TTC23: variants seen among roughly 807,000 people sequenced by gnomAD.
TTC23 encodes the protein tetratricopeptide repeat protein 23.
In TTC23, 58 loss-of-function variants were observed where a neutral mutation model predicts 55.1. That is an observed-to-expected ratio of 1.05 (90% CI 0.85 to 1.31). The LOEUF (loss-of-function observed/expected upper bound fraction) is 1.31, where lower values mean the gene tolerates loss of function less well. TTC23 is among the 50% of genes most tolerant of loss of function. TTC23 has a pLI of 0.00. For missense variants in TTC23, 516 were observed against 534.4 expected, an observed-to-expected ratio of 0.97 and a Z score of 0.34; for synonymous variants, 203 against 199.9, an observed-to-expected ratio of 1.02 and a Z score of -0.13.
chr15:99,200,193 T>C (rs1221464063), intron 8 of TTC23, 97 bp from the exon 9 acceptor site: 4 of 1,149,838 alleles, frequency 3.5e-6, no homozygotes, highest in Non-Finnish European at 3.5e-6. Context: ...CTTTGATCCC[T>C]GGTGTTCAGG....
intron 4 of TTC23, among the ~76,000 whole-genome samples, chr15:99,232,896 C>G (rs1417570326): frequency 1.3e-5 from 2 of 152,128 alleles, no homozygotes; most frequent in African/African-American, 4.8e-5. Context: ...AAATGTCTAT[C>G]AACAGATGAA....
chr15:99,239,132 G>T (rs1427027569), intron 3 of TTC23, among the ~76,000 whole-genome samples: 1 of 152,164 alleles, frequency 6.6e-6, no homozygotes, highest in African/African-American at 2.4e-5. Flanking sequence ...CTGTGAGAAT[G>T]CTAGAGAGGC....
chr15:99,219,172 G>GT lies in TTC23; in HGVS notation c.305-125dup. On this transcript the variant is annotated intron_variant, in intron 6 of 13. Transcript: ENST00000394132. ...ATATTGTCAAATGACACATGGAGAC[G>GT]TATCTGGGCAGCATGAAACACTGCC... 3 of 1,074,444 alleles carry GT rather than the reference G, an allele frequency of 2.8e-6. No homozygotes were observed. In the Admixed American group the frequency reaches 6.8e-5, roughly 24 times the overall value. The allele number at this position is 1,074,444 out of a possible 1,614,324, so 66.6% of individuals were successfully genotyped here. A position where few individuals can be genotyped will look rare whatever the true frequency, so the allele number is the denominator to read the frequency against.
In TTC23 at chr15:99,199,959, G is replaced by T. The variant is rs1261485482; in HGVS notation, c.719C>A (p.Ala240Asp). The change falls in exon 9 of 14, where the codon GCC (alanine) becomes GAC (aspartate). Residue 240 changes from alanine (A) to aspartate (D), a missense_variant. Transcript: ENST00000394132. ...GATGGATACATCGTGGAGTCCCAGG[G>T]CTTGCTCTACACCTGCTAATTCTCT... ...ILRELAGVEQALGLHDVSINH... is the reference protein window; with the variant it reads ...ILRELAGVEQDLGLHDVSINH... 1.2e-6 allele frequency: 2 copies of T among 1,613,286 alleles called. No homozygotes were observed. The highest frequency in any genetic ancestry group is 1.7e-6 in the Non-Finnish European group (2 of 1,179,642).
chr15:99,215,307 G>A (rs2077388671), intron 8 of TTC23, among the ~76,000 whole-genome samples: 1 of 152,106 alleles, frequency 6.6e-6, no homozygotes, highest in Non-Finnish European at 1.5e-5. Context: ...GGACAACACA[G>A]CACCAAGCAG....
intron 3 of TTC23, among the ~76,000 whole-genome samples, chr15:99,238,898 T>C (rs1024144557): frequency 6.6e-6 from 1 of 152,132 alleles, no homozygotes; most frequent in Non-Finnish European, 1.5e-5. Flanking sequence ...TTTTTGACCA[T>C]GAGATTATCT....
chr15:99,156,286 C>A lies in TTC23; in HGVS notation c.1005G>T (p.Ser335=). The change falls in exon 12 of 14, where the codon TCG becomes TCT. Residue 335 remains serine, a synonymous_variant. Transcript: ENST00000394132. ...TGGCTTCCAGGGACTCTCTCAGGAT[C>A]GAGGTTGCTCTCTGTGAAAGGAACA... ...QMTGQKERAT[S]ILRESLEAKV... 1 of 1,614,110 alleles carries A rather than the reference C, an allele frequency of 6.2e-7. No individual in the cohort carries two copies. Among genetic ancestry groups the A allele is most frequent in the Non-Finnish European group, 8.5e-7 (1 of 1,179,990 alleles).
intron 9 of TTC23, among the ~76,000 whole-genome samples, chr15:99,184,964 T>C (rs2074528013): frequency 6.6e-6 from 1 of 152,112 alleles, no homozygotes; most frequent in Non-Finnish European, 1.5e-5. Flanking sequence ...TGAGTTCTCA[T>C]GAGATCTGAC....
rs760370700 is a variant in TTC23 at position 99,221,850 on chromosome 15, G to A, written c.195C>T (p.Val65=). 2.7e-5 allele frequency: 43 copies of A among 1,614,046 alleles called. No homozygotes were observed. The highest frequency in any genetic ancestry group is 3.2e-5 in the Non-Finnish European group (38 of 1,180,016). The change falls in exon 6 of 14, where the codon GTC becomes GTT. Residue 65 remains valine, a synonymous_variant. Coordinates refer to ENST00000394132, the MANE Select transcript of TTC23 (RefSeq NM_001288615.3). The stretch of plus-strand genomic sequence containing the variant: ...GTGCTACGCAACGCACAAGCTCATG[G>A]ACGGCCTGTTTGTACTGTTAGGAAG... The part of the protein sequence containing the change: ...YSNSHEYKQA[V]HELVRCVALT...
chr15:99,141,329 A>C (rs546288615), intron 12 of TTC23, among the ~76,000 whole-genome samples: 62 of 152,198 alleles, frequency 4.1e-4, no homozygotes, highest in Non-Finnish European at 7.8e-4. Context: ...AATGCATATA[A>C]TATGTATTAT....
At chr15:99,176,312 A>G (rs1239673325) in intron 9 of TTC23, among the ~76,000 whole-genome samples, 1 of 152,174 alleles carries the variant, frequency 6.6e-6, no homozygotes, top group African/African-American at 2.4e-5. Flanking sequence ...GTGACAGAAT[A>G]CTAAAATGCC....
chr15:99,191,429 T>C (rs2075243753), intron 9 of TTC23, among the ~76,000 whole-genome samples: 1 of 152,240 alleles, frequency 6.6e-6, no homozygotes, highest in Non-Finnish European at 1.5e-5. Context: ...TGGTCCTTGC[T>C]AGATGACTAT....
chr15:99,244,515 A>C (rs2080073308), intron 2 of TTC23, among the ~76,000 whole-genome samples: 1 of 152,224 alleles, frequency 6.6e-6, no homozygotes, highest in Non-Finnish European at 1.5e-5. Flanking sequence ...AAATAATCTG[A>C]AAATAAAATT....
At chr15:99,149,134 A>G (rs1180884617) in intron 12 of TTC23, among the ~76,000 whole-genome samples, 2 of 152,220 alleles carry the variant, frequency 1.3e-5, no homozygotes, top group East Asian at 3.8e-4. Flanking sequence ...TGAATGCTAA[A>G]TATGGCATTT....
intron 10 of TTC23, among the ~76,000 whole-genome samples, chr15:99,162,245 AAG>A (rs2151898394): frequency 6.6e-6 from 1 of 152,284 alleles, no homozygotes; most frequent in East Asian, 1.9e-4. Flanking sequence ...AGGACTCTGA[AAG>A]TTCACTTATT....
chr15:99,249,206 T>C lies in TTC23; in HGVS notation c.-466A>G, dbSNP rs1393531388. 1 of 152,226 alleles carries C rather than the reference T, an allele frequency of 6.6e-6. No homozygotes were observed. The highest frequency in any genetic ancestry group is 1.9e-4 in the East Asian group (1 of 5,200). The allele number at this position is 152,226 out of a possible 1,614,324, so 9.4% of individuals were successfully genotyped here. ...TCCACTGATAATCTGGGCATGATGC[T>C]TTCAAACTTCACCCTAAAGAGAAAA... is the stretch of plus-strand genomic sequence containing the variant. On this transcript the variant is annotated 5_prime_UTR_variant, in exon 1 of 14. Coordinates refer to ENST00000394132, the MANE Select transcript of TTC23 (RefSeq NM_001288615.3).
intron 12 of TTC23, among the ~76,000 whole-genome samples, chr15:99,144,080 T>A (rs1484434956): frequency 1.3e-5 from 2 of 152,224 alleles, no homozygotes; most frequent in African/African-American, 2.4e-5. Context: ...TGCCGTTCAC[T>A]ATTTGCTGCT....
rs1056324085 is a variant in TTC23, at chr15:99,247,653, A to T, written c.-431+1518T>A. Among the ~76,000 whole-genome samples, 49 of 152,300 alleles carry T rather than the reference A, an allele frequency of 3.2e-4. 2 individuals are homozygous for T. Among genetic ancestry groups the T allele is most frequent in the Admixed American group, 3.1e-3 (47 of 15,298 alleles). ...CCACTTACATGCCCAGAAAAGGTAAATTTATAGACAGAAAGTTTTTTAGTG... is the reference window on the plus strand; with the variant it reads ...CCACTTACATGCCCAGAAAAGGTAATTTTATAGACAGAAAGTTTTTTAGTG... On this transcript the variant is annotated intron_variant, in intron 1 of 13. Coordinates refer to ENST00000394132, the MANE Select transcript of TTC23 (RefSeq NM_001288615.3).
Position 99,139,767 on chromosome 15 carries a change from G to GT in TTC23, c.1144-369dup, listed in dbSNP as rs781909987. On this transcript the variant is annotated intron_variant, in intron 12 of 13. Transcript: ENST00000394132. Reference sequence around the variant, plus strand: ...AGCCTGGAAAAGATTTAAAAAAATAGTTTTGTTTTTTTTGTAAACACATAC... The same window carrying GT: ...AGCCTGGAAAAGATTTAAAAAAATAGTTTTTGTTTTTTTTGTAAACACATAC... 316 of 1,301,742 alleles carry GT rather than the reference G, an allele frequency of 2.4e-4. No individual in the cohort carries two copies. The African/African-American group carries it at 4.4e-3, about 18-fold the overall frequency. 80.6% of individuals were successfully genotyped at this position (1,301,742 alleles called of 1,614,324 possible). A position where few individuals can be genotyped will look rare whatever the true frequency, so the allele number is the denominator to read the frequency against.
Sources: gnomAD v4.1 joint callset for allele counts (sites outside exome capture counted in the v4.1 genomes callset) on GRCh38, gnomAD v4.1.1 for gene constraint, MANE v1.5 for transcripts, NCBI Gene and HGNC (gene_info 2026-07-23, HGNC 2026-07-21) for gene names.